NCKAP5: variants seen among roughly 807,000 people sequenced by gnomAD.
The protein encoded by NCKAP5 is nck-associated protein 5.
NCKAP5 carries 92 observed loss-of-function variants against 167.0 expected under a neutral mutation model. The observed-to-expected ratio is 0.55, with a 90% CI of 0.47 to 0.66. NCKAP5 has a LOEUF of 0.66. Ranked by LOEUF, NCKAP5 falls within the 30% of genes least tolerant of loss-of-function variation. The pLI, the probability that NCKAP5 is intolerant of heterozygous loss-of-function variation, is 0.00. For synonymous variants in NCKAP5, 891 were observed against 877.4 expected, an observed-to-expected ratio of 1.02 and a Z score of -0.27; for missense variants, 2,378 against 2,315.0, an observed-to-expected ratio of 1.03 and a Z score of -0.56.
intron 3 of NCKAP5, among the ~76,000 whole-genome samples, chr2:133,475,028 C>A (rs949341243): frequency 6.6e-6 from 1 of 152,158 alleles, no homozygotes; most frequent in East Asian, 1.9e-4. Flanking sequence ...CCAGGCTGGT[C>A]TCAAACTCCT....
intron 6 of NCKAP5, among the ~76,000 whole-genome samples, chr2:133,024,188 T>C (rs1222133891): frequency 6.6e-6 from 1 of 152,132 alleles, no homozygotes; most frequent in African/African-American, 2.4e-5. Flanking sequence ...CCAAAGAAAA[T>C]TCAAAGGATA....
intron 6 of NCKAP5, among the ~76,000 whole-genome samples, chr2:133,012,850 C>T (rs2078209555): frequency 6.6e-6 from 1 of 152,162 alleles, no homozygotes; most frequent in Non-Finnish European, 1.5e-5. Flanking sequence ...CAAGCCTACA[C>T]CTGTCTTTCC....
chr2:133,426,467 G>A (rs933027320), intron 3 of NCKAP5, among the ~76,000 whole-genome samples: 1 of 150,580 alleles, frequency 6.6e-6, no homozygotes, highest in African/African-American at 2.4e-5. Context: ...AGACATAGAG[G>A]GGCTATTTCC....
chr2:133,070,455 G>T (rs375083809), intron 6 of NCKAP5, among the ~76,000 whole-genome samples: 1 of 152,040 alleles, frequency 6.6e-6, no homozygotes, highest in Non-Finnish European at 1.5e-5. Context: ...TACTCAAGGG[G>T]GCATGCAGAT....
chr2:132,742,026 T>G (rs1679243406), intron 16 of NCKAP5, among the ~76,000 whole-genome samples: 1 of 152,078 alleles, frequency 6.6e-6, no homozygotes, highest in Non-Finnish European at 1.5e-5. Flanking sequence ...AGTCATGATT[T>G]TCCCTTACAG....
intron 6 of NCKAP5, among the ~76,000 whole-genome samples, chr2:133,105,075 T>A (rs1014332337): frequency 6.6e-6 from 1 of 152,246 alleles, no homozygotes; most frequent in Non-Finnish European, 1.5e-5. Context: ...CTACTCTGTT[T>A]CACCTCATTT....
At chr2:132,913,819 T>A (rs960326609) in intron 8 of NCKAP5, among the ~76,000 whole-genome samples, 1 of 152,198 alleles carries the variant, frequency 6.6e-6, no homozygotes, top group Non-Finnish European at 1.5e-5. Flanking sequence ...TTGAAGTGCA[T>A]GGAGAAAACT....
intron 8 of NCKAP5, among the ~76,000 whole-genome samples, chr2:132,895,296 A>C (rs949166035): frequency 1.4e-4 from 20 of 144,424 alleles, no homozygotes; most frequent in African/African-American, 5.0e-4. Context: ...GCGTCACTGC[A>C]CTCCAGCCTG....
At position 132,673,278 on chromosome 2, in the gene NCKAP5, CT is replaced by C; in HGVS notation, c.*10del. Reference sequence around the variant, plus strand: ...TTCGATAATCTATTCTCGGGATCGTCTTTTGTTTCTTCAAGTTGTCTCAATT... The same window carrying C: ...TTCGATAATCTATTCTCGGGATCGTCTTTGTTTCTTCAAGTTGTCTCAATT... On this transcript the variant is annotated 3_prime_UTR_variant, in exon 20 of 20. Transcript: ENST00000409261. 1 of 1,509,968 alleles carries C rather than the reference CT, an allele frequency of 6.6e-7. No individual in the cohort carries two copies. Among genetic ancestry groups the C allele is most frequent in the South Asian group, 1.3e-5 (1 of 77,194 alleles). The allele number at this position is 1,509,968 out of a possible 1,614,324, so 93.5% of individuals were successfully genotyped here.
rs116019960 is a variant in NCKAP5, at chr2:133,095,067, G to C, written c.341+34911C>G. Among the ~76,000 whole-genome samples, 291 of 152,200 alleles carry C rather than the reference G, an allele frequency of 1.9e-3. 1 individual carries two copies. Among genetic ancestry groups the C allele is most frequent in the Middle Eastern group, 6.8e-3 (2 of 292 alleles). The stretch of plus-strand genomic sequence containing the variant: ...TGGCACCTTGATTTCAGCCTTATGA[G>C]ACCCTAAGAAGAGAACCCAGGTGAG... On this transcript the variant is annotated intron_variant, in intron 6 of 19. Coordinates refer to ENST00000409261, the MANE Select transcript of NCKAP5 (RefSeq NM_207363.3).
rs191086953 is a variant in NCKAP5 at position 133,188,979 on chromosome 2, A to T, written c.207+24737T>A. 1.9e-3 allele frequency among the ~76,000 whole-genome samples: 291 copies of T among 152,326 alleles called. 3 individuals are homozygous for T. The highest frequency in any genetic ancestry group is 6.8e-3 in the Middle Eastern group (2 of 294). On this transcript the variant is annotated intron_variant, in intron 5 of 19. Coordinates refer to ENST00000409261, the MANE Select transcript of NCKAP5 (RefSeq NM_207363.3). Reference sequence around the variant, plus strand: ...TAGAGACACAAAAAACTCTTCAAAAAATCAATGAATCCAGGAGCTGGTTTT... The same window carrying T: ...TAGAGACACAAAAAACTCTTCAAAATATCAATGAATCCAGGAGCTGGTTTT...
At chr2:133,198,412 A>T (rs2085531886) in intron 5 of NCKAP5, among the ~76,000 whole-genome samples, 1 of 152,124 alleles carries the variant, frequency 6.6e-6, no homozygotes, top group Non-Finnish European at 1.5e-5. Flanking sequence ...AGAGAAAGAA[A>T]CTGGGGAAGA....
chr2:133,104,025 G>A (rs1206074240), intron 6 of NCKAP5, among the ~76,000 whole-genome samples: 1 of 151,564 alleles, frequency 6.6e-6, no homozygotes, highest in Non-Finnish European at 1.5e-5. Context: ...AACTCACTGT[G>A]CCCTTAAAGA....
At position 132,773,856 on chromosome 2, in the gene NCKAP5, G is replaced by T; in HGVS notation, c.5088C>A (p.Asp1696Glu). The T allele has an allele frequency of 2.5e-6, 4 of 1,610,890 alleles. No homozygotes were observed. Among genetic ancestry groups the T allele is most frequent in the Non-Finnish European group, 3.4e-6 (4 of 1,178,910 alleles). Reference sequence around the variant, plus strand: ...GAAATACAGAATCTGCAACTGCATCGTCTTCATCCTCTTGCAAGTTTTCAT... The same window carrying T: ...GAAATACAGAATCTGCAACTGCATCTTCTTCATCCTCTTGCAAGTTTTCAT... ...EANENLQEDE[D>E]DAVADSVFQS... is the part of the protein sequence containing the mutation. The change falls in exon 16 of 20, where the codon GAC becomes GAA. Residue 1696 changes from aspartate to glutamate, a missense_variant. Around this residue, in one of 3 missense-constraint regions of NCKAP5, gnomAD observed 1,325 missense variants for 1,274.5 expected, o/e 1.04. Coordinates refer to ENST00000409261, the MANE Select transcript of NCKAP5 (RefSeq NM_207363.3).
rs564946032 is a variant in NCKAP5, at chr2:133,517,489, C to A, written c.38G>T (p.Gly13Val). 1 of 1,537,528 alleles carries A rather than the reference C, an allele frequency of 6.5e-7. No individual in the cohort carries two copies. The highest frequency in any genetic ancestry group is 2.1e-5 in the Admixed American group (1 of 48,430). The change falls in exon 3 of 20, where the codon GGA (glycine) becomes GTA (valine). Residue 13 changes from glycine to valine, a missense_variant. By Grantham distance (109) the Gly-to-Val change is moderately radical. Coordinates refer to ENST00000409261, the MANE Select transcript of NCKAP5 (RefSeq NM_207363.3). ...ACTGCTGTCTAGAGACAGCCTTTTT[C>A]CAAAGTCCCTTTTCTCAAGCTGTCT... ...GKRQLEKRDF[G>V]KRLSLDSSLV...
At position 132,783,162 on chromosome 2, in the gene NCKAP5, C is replaced by G. The variant is rs754191824; in HGVS notation, c.3649G>C (p.Gly1217Arg). ...AGGGGAAGCCCATCAGCTAAACTGC[C>G]CTGTGCTTGTGAATCCGGTAGGGTC... ...NVTLPDSQAQ[G>R]SLADGLPLET... Residue 1217 changes from glycine to arginine, a missense_variant, in exon 14 of 20, where the codon GGC (glycine) becomes CGC (arginine). Gly to Arg is a moderately radical substitution (Grantham distance 125). Coordinates refer to ENST00000409261, the MANE Select transcript of NCKAP5 (RefSeq NM_207363.3). 1 of 1,613,606 alleles carries G rather than the reference C, an allele frequency of 6.2e-7. No individual in the cohort carries two copies. Among genetic ancestry groups the G allele is most frequent in the Non-Finnish European group, 8.5e-7 (1 of 1,179,814 alleles).
the NCKAP5 span, among the ~76,000 whole-genome samples, chr2:133,577,010 C>T: frequency 6.6e-6 from 1 of 152,182 alleles, no homozygotes; most frequent in Non-Finnish European, 1.5e-5. Context: ...CCACCTAAGC[C>T]TCTGGTATTT....
At chr2:133,340,591 A>G (rs1683510166) in intron 3 of NCKAP5, among the ~76,000 whole-genome samples, 1 of 152,318 alleles carries the variant, frequency 6.6e-6, no homozygotes, top group Non-Finnish European at 1.5e-5. Flanking sequence ...GAGACGAGTA[A>G]GATACACAAT....
chr2:132,755,447 G>C (rs777968373), intron 16 of NCKAP5, among the ~76,000 whole-genome samples: 6 of 152,056 alleles, frequency 3.9e-5, no homozygotes, highest in South Asian at 2.1e-4. Flanking sequence ...GGTGAATTAC[G>C]GGCAAGGCAC....
Sources: gnomAD v4.1 joint callset for allele counts (sites outside exome capture counted in the v4.1 genomes callset) on GRCh38, gnomAD v4.1.1 for gene constraint, gnomAD v4.1.1 regional missense constraint, MANE v1.5 for transcripts, NCBI Gene and HGNC (gene_info 2026-07-23, HGNC 2026-07-21) for gene names.